The following CSPP1 variants were observed in gnomAD, a reference collection of about 807,000 sequenced individuals.
The protein encoded by CSPP1 is centrosome and spindle pole-associated protein 1.
A neutral mutation model predicts 164.4 loss-of-function variants in CSPP1; 126 were observed. That is an observed-to-expected ratio of 0.77 (90% CI 0.66 to 0.89). The LOEUF (loss-of-function observed/expected upper bound fraction) is 0.89, where lower values mean the gene tolerates loss of function less well. CSPP1 is among the 40% of genes least tolerant of loss of function. The pLI, the probability that CSPP1 is intolerant of heterozygous loss-of-function variation, is 0.00. For missense variants in CSPP1, 1,395 were observed against 1,449.8 expected, an observed-to-expected ratio of 0.96 and a Z score of 0.61; for synonymous variants, 472 against 476.7, an observed-to-expected ratio of 0.99 and a Z score of 0.13.
intron 7 of CSPP1, among the ~76,000 whole-genome samples, chr8:67,100,323 G>T (rs146973301): frequency 6.3e-4 from 96 of 152,170 alleles, no homozygotes; most frequent in African/African-American, 2.1e-3. Flanking sequence ...TGTGTTTATG[G>T]TGTTTGCTTT....
At chr8:67,117,480 G>A (rs1264132184) in intron 13 of CSPP1, among the ~76,000 whole-genome samples, 1 of 152,128 alleles carries the variant, frequency 6.6e-6, no homozygotes, top group Admixed American at 6.5e-5. Context: ...GAAAAATATT[G>A]CATTGGTAGC....
At chr8:67,149,592 G>C (rs1350405146) in intron 17 of CSPP1, among the ~76,000 whole-genome samples, 191 bp from the exon 18 acceptor site, 5 of 152,018 alleles carry the variant, frequency 3.3e-5, no homozygotes, top group Admixed American at 3.3e-4. Flanking sequence ...TATTTTTAAG[G>C]ATTATTTTTT....
At chr8:67,126,947 CA>C (rs1477127539) in intron 15 of CSPP1, among the ~76,000 whole-genome samples, 1 of 151,874 alleles carries the variant, frequency 6.6e-6, no homozygotes, top group African/African-American at 2.4e-5. Context: ...CCAGACAGGT[CA>C]AAAGTGAGAT....
Position 67,177,690 on chromosome 8 carries a change from T to C in CSPP1, c.3120T>C (p.Asp1040=). ...CTCCATTGACTACAGTTGACTTAGA[T>C]GCCATCCCAAGTGCTAAAGTACGAG... The part of the protein sequence containing the change: ...KMQEGAKVDL[D]AIPSAKVREQ... Residue 1040 remains aspartate, a synonymous_variant, in exon 27 of 31, where the codon GAT becomes GAC. Coordinates refer to ENST00000678616, the MANE Select transcript of CSPP1 (RefSeq NM_001382391.1). 1 of 1,611,476 alleles carries C rather than the reference T, an allele frequency of 6.2e-7. No individual in the cohort carries two copies. Among genetic ancestry groups the C allele is most frequent in the Non-Finnish European group, 8.5e-7 (1 of 1,177,932 alleles).
chr8:67,095,548 C>A lies in CSPP1; in HGVS notation c.739C>A (p.Gln247Lys). ...AGTGGGCATTTCCAACCTAAAACAT[C>A]AAAGGTTTGCAAGCAAGGCTGGCAT... Reference protein sequence around the residue: ...EEVGISNLKHQRFASKAGIPD... With the variant: ...EEVGISNLKHKRFASKAGIPD... The change falls in exon 7 of 31, where the codon CAA becomes AAA. Residue 247 changes from glutamine to lysine, a missense_variant. Physicochemically the swap from Gln to Lys is moderately conservative, Grantham distance 53. Transcript: ENST00000678616. 1 of 1,613,228 alleles carries A rather than the reference C, an allele frequency of 6.2e-7. No homozygotes were observed. The highest frequency in any genetic ancestry group is 1.7e-5 in the Admixed American group (1 of 59,870).
At chr8:67,130,430 T>C (rs2129553880) in intron 15 of CSPP1, among the ~76,000 whole-genome samples, 1 of 152,204 alleles carries the variant, frequency 6.6e-6, no homozygotes, top group South Asian at 2.1e-4. Flanking sequence ...AGAGAATGAG[T>C]TTATTCACAT....
Position 67,076,548 on chromosome 8 carries a change from C to T in CSPP1, c.166C>T (p.Pro56Ser), listed in dbSNP as rs765095778. The T allele has an allele frequency of 1.6e-5, 25 of 1,600,464 alleles. No homozygotes were observed. In the African/African-American group the frequency reaches 3.0e-4, roughly 19 times the overall value. ...GATCTCTATGGCTAAGGAAAACATA[C>T]CACCAAATAGTCAACAGACCAGGGG... ...ILISMAKENI[P>S]PNSQQTRGSL... The change falls in exon 3 of 31, where the codon CCA becomes TCA. Residue 56 changes from proline to serine, a missense_variant. Transcript: ENST00000678616.
intron 3 of CSPP1, among the ~76,000 whole-genome samples, chr8:67,078,957 G>A (rs892391292): frequency 6.6e-6 from 1 of 152,074 alleles, no homozygotes; most frequent in Non-Finnish European, 1.5e-5. Context: ...GGGTGACAGA[G>A]AGAGACTCCA....
intron 17 of CSPP1, among the ~76,000 whole-genome samples, chr8:67,142,307 A>C (rs898414279): frequency 6.6e-5 from 10 of 152,232 alleles, no homozygotes; most frequent in African/African-American, 2.4e-4. Flanking sequence ...ATTAAAAACC[A>C]CTTTGAAAAA....
At chr8:67,180,542 GAAATA>G (rs938871078) in intron 28 of CSPP1, among the ~76,000 whole-genome samples, 18 of 152,168 alleles carry the variant, frequency 1.2e-4, no homozygotes, top group African/African-American at 3.1e-4. Context: ...ATGTAAATGG[GAAATA>G]AAATAATAAT....
intron 3 of CSPP1, among the ~76,000 whole-genome samples, chr8:67,077,349 T>C (rs542938292): frequency 6.6e-6 from 1 of 151,462 alleles, no homozygotes; most frequent in East Asian, 1.9e-4. Flanking sequence ...TTTTTTTTTT[T>C]CTTCAAGGCT....
intron 17 of CSPP1, among the ~76,000 whole-genome samples, chr8:67,146,382 C>G (rs1023846073): frequency 6.6e-6 from 1 of 151,810 alleles, no homozygotes; most frequent in Non-Finnish European, 1.5e-5. Context: ...CTCAGCCTCC[C>G]GAAGTGTTGA....
intron 6 of CSPP1, 132 bp from the exon 7 acceptor site, chr8:67,095,161 T>G (rs1363357970): frequency 6.1e-6 from 3 of 488,582 alleles, no homozygotes; most frequent in Non-Finnish European, 1.1e-5. Flanking sequence ...CGTATATATA[T>G]ATAAATATAT....
At chr8:67,081,022 C>T (rs1283633581) in intron 3 of CSPP1, 3 of 152,376 alleles carry the variant, frequency 2.0e-5, no homozygotes, top group African/African-American at 7.2e-5. Flanking sequence ...CGCAAAGGCC[C>T]AACCCTCAAA....
intron 28 of CSPP1, among the ~76,000 whole-genome samples, chr8:67,187,283 T>C (rs980305571): frequency 2.6e-5 from 4 of 151,860 alleles, no homozygotes; most frequent in African/African-American, 7.3e-5. Flanking sequence ...AAGAGAAGAG[T>C]TGGAGGACTC....
chr8:67,164,359 C>T (rs774533064), intron 23 of CSPP1, 32 bp from the exon 24 acceptor site: 1 of 1,003,728 alleles, frequency 1.0e-6, no homozygotes, highest in South Asian at 1.3e-5. Flanking sequence ...TTATTCCTGT[C>T]TTGTGTTTTA....
rs552962079 is a variant in CSPP1, at chr8:67,160,705, A to T, written c.2539-1106A>T. Among the ~76,000 whole-genome samples, 22 of 151,422 alleles carry T rather than the reference A, an allele frequency of 1.5e-4. No homozygotes were observed. In the East Asian group the frequency reaches 1.6e-3, roughly 11 times the overall value. On this transcript the variant is annotated intron_variant, in intron 21 of 30. Coordinates refer to ENST00000678616, the MANE Select transcript of CSPP1 (RefSeq NM_001382391.1). ...TTATGTATGTCTGATATATATATAT[A>T]TTTTTGTCTATTCCTTCAGTTTTAC...
chr8:67,174,356 A>C (rs1003455662), intron 25 of CSPP1: 1 of 152,140 alleles, frequency 6.6e-6, no homozygotes, highest in Non-Finnish European at 1.5e-5. Flanking sequence ...AACTACATAT[A>C]TATTTAGGAT....
Position 67,172,445 on chromosome 8 carries a change from T to C in CSPP1, c.2858T>C (p.Phe953Ser). Residue 953 changes from phenylalanine to serine, a missense_variant, in exon 25 of 31, where the codon TTT (phenylalanine) becomes TCT (serine). Transcript: ENST00000678616. ...RKKERNPMDIFDMARHRLQAP... is the reference protein window; with the variant it reads ...RKKERNPMDISDMARHRLQAP... ...AAGGAAAGGAATCCCATGGATATAT[T>C]TGATATGGCTAGACATCGGTTGCAA... 3 of 1,613,204 alleles carry C rather than the reference T, an allele frequency of 1.9e-6. No homozygotes were observed. The highest frequency in any genetic ancestry group is 2.5e-6 in the Non-Finnish European group (3 of 1,179,236).
Sources: gnomAD v4.1 joint callset for allele counts (sites outside exome capture counted in the v4.1 genomes callset) on GRCh38, gnomAD v4.1.1 for gene constraint, MANE v1.5 for transcripts, NCBI Gene and HGNC (gene_info 2026-07-23, HGNC 2026-07-21) for gene names.